CCDC30: variants seen among roughly 807,000 people sequenced by gnomAD.
CCDC30 encodes coiled-coil domain-containing protein 30.
Under a neutral mutation model 100.2 loss-of-function variants are expected in CCDC30, and 70 were observed. The observed-to-expected ratio is 0.70, with a 90% CI of 0.58 to 0.85. The LOEUF is 0.85. Ranked by LOEUF, CCDC30 falls within the 40% of genes least tolerant of loss-of-function variation. CCDC30 has a pLI of 0.00. For synonymous variants in CCDC30, 233 were observed against 269.5 expected (o/e 0.86, Z 1.33); for missense variants, 652 against 771.2 (o/e 0.85, Z 1.83).
At chr1:42,511,927 C>G (rs1254451637) in intron 6 of CCDC30, among the ~76,000 whole-genome samples, 1 of 152,046 alleles carries the variant, frequency 6.6e-6, no homozygotes, top group Non-Finnish European at 1.5e-5. Flanking sequence ...AGTGGGAAAT[C>G]AGGTGTCTCA....
At chr1:42,653,484 A>G in intron 16 of CCDC30, 41 bp downstream of exon 20, 1 of 1,294,072 alleles carries the variant, frequency 7.7e-7, no homozygotes, top group Non-Finnish European at 1.1e-6. Flanking sequence ...TCTATCTGAG[A>G]TGGACTGTCA....
At chr1:42,559,060 G>A (rs1645430960) in intron 6 of CCDC30, among the ~76,000 whole-genome samples, 1 of 152,108 alleles carries the variant, frequency 6.6e-6, no homozygotes, top group Admixed American at 6.6e-5. Context: ...ATAAGTGAAG[G>A]AGAAATAAAA....
chr1:42,560,767 A>G (rs974961891), intron 6 of CCDC30, among the ~76,000 whole-genome samples: 7 of 152,206 alleles, frequency 4.6e-5, no homozygotes, highest in Non-Finnish European at 1.0e-4. Flanking sequence ...AAAAATGACA[A>G]GAGGATATCA....
intron 5 of CCDC30, among the ~76,000 whole-genome samples, chr1:42,498,037 T>C (rs1644255026): frequency 1.3e-5 from 2 of 152,144 alleles, no homozygotes; most frequent in African/African-American, 2.4e-5. Context: ...TGCTCGTTGA[T>C]AGAGGAACAG....
At chr1:42,611,836 C>G (rs2148643253) in intron 11 of CCDC30, among the ~76,000 whole-genome samples, 1 of 152,202 alleles carries the variant, frequency 6.6e-6, no homozygotes, top group African/African-American at 2.4e-5. Flanking sequence ...ACAGGCTCAC[C>G]CAGCTCACTT....
At chr1:42,587,757 A>G (rs1646104052) in intron 9 of CCDC30, among the ~76,000 whole-genome samples, 1 of 152,188 alleles carries the variant, frequency 6.6e-6, no homozygotes, top group Non-Finnish European at 1.5e-5. Flanking sequence ...GTACTATTTC[A>G]TTATCATCAT....
At chr1:42,537,047 G>A (rs769434136) in intron 6 of CCDC30, 1 of 371,542 alleles carries the variant, frequency 2.7e-6, no homozygotes, top group Non-Finnish European at 5.3e-6. Flanking sequence ...AATAGGGAGG[G>A]AGAGCACAAT....
intron 6 of CCDC30, chr1:42,536,528 A>AAG (rs372826618): frequency 4.1e-5 from 62 of 1,522,520 alleles, no homozygotes; most frequent in South Asian, 8.2e-5. Context: ...GAGTGGTCAA[A>AAG]AGAGAGAGAG....
chr1:42,529,783 T>G (rs1644779430), intron 6 of CCDC30: 1 of 152,250 alleles, frequency 6.6e-6, no homozygotes, highest in East Asian at 1.9e-4. Flanking sequence ...TAATATGCTA[T>G]TCCTGGCATG....
At chr1:42,562,828 A>G (rs1316050537) in intron 6 of CCDC30, among the ~76,000 whole-genome samples, 2 of 152,250 alleles carry the variant, frequency 1.3e-5, no homozygotes, top group Non-Finnish European at 2.9e-5. Context: ...GAAGACATTT[A>G]CGTGGCCAAC....
intron 6 of CCDC30, among the ~76,000 whole-genome samples, chr1:42,527,003 G>T (rs922348534): frequency 2.0e-5 from 3 of 152,138 alleles, no homozygotes; most frequent in African/African-American, 7.2e-5. Context: ...CATTTCAGAG[G>T]TGATTTTAAA....
chr1:42,456,646 G>C, the CCDC30 span: 9 of 1,584,856 alleles, frequency 5.7e-6, no homozygotes, highest in Non-Finnish European at 1.7e-6. Flanking sequence ...CTCGCTTCGC[G>C]GCCAGGCTGG....
intron 10 of CCDC30, chr1:42,590,198 C>A (rs72953744): frequency 0.039 from 5,993 of 152,294 alleles, 401 homozygotes; most frequent in African/African-American, 0.14. Flanking sequence ...CTTCCTGAGT[C>A]CCTCACCAGA....
At chr1:42,576,277 A>T (rs144572316) in intron 7 of CCDC30, among the ~76,000 whole-genome samples, 2 of 152,344 alleles carry the variant, frequency 1.3e-5, no homozygotes, top group East Asian at 3.9e-4. Context: ...AAAAAATGAC[A>T]CAAATGGATT....
In CCDC30 at chr1:42,610,310, G is replaced by C. The variant is rs534060761; in HGVS notation, c.1165-668G>C. Among the ~76,000 whole-genome samples the C allele has an allele frequency of 2.6e-5, 4 of 152,322 alleles. No individual in the cohort carries two copies. In the South Asian group the frequency reaches 8.3e-4, roughly 32 times the overall value. ...ACCAATCCCAAATTCCTAATTTTGA[G>C]TTTCTCATCACTGCAGTCACTTATA... On this transcript the variant is annotated intron_variant, in intron 10 of 16. Coordinates refer to ENST00000668663, the Ensembl canonical transcript of CCDC30.
chr1:42,581,414 A>G, exon 9 of CCDC30: 1 of 1,613,704 alleles, frequency 6.2e-7, no homozygotes, highest in Non-Finnish European at 8.5e-7. Context: ...TCTCACAGAC[A>G]CTTGTATTTC....
At chr1:42,588,264 G>C (rs370039652) in intron 9 of CCDC30, among the ~76,000 whole-genome samples, 4 of 152,204 alleles carry the variant, frequency 2.6e-5, no homozygotes, top group African/African-American at 9.7e-5. Flanking sequence ...CTGGTTTCAT[G>C]ATGAGACTGA....
At chr1:42,498,334 A>G (rs1460961493) in intron 5 of CCDC30, among the ~76,000 whole-genome samples, 1 of 152,142 alleles carries the variant, frequency 6.6e-6, no homozygotes. Context: ...TGCAAGATGA[A>G]GAGTTCTGGA....
chr1:42,457,227 C>T, the CCDC30 span: 2 of 1,613,822 alleles, frequency 1.2e-6, no homozygotes, highest in African/African-American at 1.3e-5. Context: ...TTTGTTAACA[C>T]CTTGTGTTTC....
Sources: gnomAD v4.1 joint callset for allele counts (sites outside exome capture counted in the v4.1 genomes callset) on GRCh38, gnomAD v4.1.1 for gene constraint, MANE v1.5 for transcripts, NCBI Gene and HGNC (gene_info 2026-07-23, HGNC 2026-07-21) for gene names.